The following CCDC180 variants were observed in gnomAD, a reference collection of about 807,000 sequenced individuals.
CCDC180 encodes the protein coiled-coil domain-containing protein 180.
In CCDC180, 154 loss-of-function variants were observed where a neutral mutation model predicts 209.2. That is an observed-to-expected ratio of 0.74 (90% CI 0.65 to 0.84). CCDC180 has a LOEUF of 0.84. Among genes scored for constraint, CCDC180 ranks in the 40% least tolerant of loss-of-function variants. The pLI, the probability that CCDC180 is intolerant of heterozygous loss-of-function variation, is 0.00. For missense variants in CCDC180, 1,874 were observed against 1,997.3 expected (o/e 0.94, Z 1.18); for synonymous variants, 778 against 749.1 (o/e 1.04, Z -0.63).
rs1216739402 is a variant in CCDC180 at position 97,329,694 on chromosome 9, C to A, written c.1789-460C>A. ...AAAAACTGGTTCCTAGGATTGAGAA[C>A]AACCCAATTACCCCAGGGAACTAAG... On this transcript the variant is annotated intron_variant, in intron 16 of 36. Coordinates refer to ENST00000529487, the MANE Select transcript of CCDC180 (RefSeq NM_020893.6). 9.2e-5 allele frequency among the ~76,000 whole-genome samples: 14 copies of A among 152,184 alleles called. 1 individual carries two copies. The highest frequency in any genetic ancestry group is 9.2e-4 in the Admixed American group (14 of 15,290).
At chr9:97,312,345 T>C in intron 4 of CCDC180, 144 bp downstream of exon 4, 1 of 651,562 alleles carries the variant, frequency 1.5e-6, no homozygotes, top group Non-Finnish European at 2.6e-6. Context: ...CGGAGGGCAT[T>C]CTCCCTGAGC....
intron 2 of CCDC180, 102 bp downstream of exon 2, chr9:97,308,234 C>G: frequency 1.9e-6 from 2 of 1,071,572 alleles, no homozygotes; most frequent in South Asian, 5.1e-5. Flanking sequence ...TTGAATAAAA[C>G]AAGGGCTTTG....
intron 34 of CCDC180, 175 bp from the exon 35 acceptor site, chr9:97,374,368 C>T: frequency 1.7e-6 from 1 of 592,466 alleles, no homozygotes; most frequent in Non-Finnish European, 3.0e-6. Flanking sequence ...CTGTCACCAC[C>T]CCGAGCTGTG....
Position 97,318,589 on chromosome 9 carries a change from G to A in CCDC180, c.1079+7G>A. Reference sequence around the variant, plus strand: ...AGCATCTCTGCACCATCTGGTATGGGCAGGAGGGGCGGCCCAGGAGGGGTG... The same window carrying A: ...AGCATCTCTGCACCATCTGGTATGGACAGGAGGGGCGGCCCAGGAGGGGTG... On this transcript the variant is annotated splice_region_variant and intron_variant, in intron 10 of 36. Transcript: ENST00000529487. The A allele has an allele frequency of 6.2e-7, 1 of 1,611,286 alleles. No homozygotes were observed. The highest frequency in any genetic ancestry group is 1.7e-5 in the Admixed American group (1 of 59,990).
intron 5 of CCDC180, 121 bp from the exon 6 acceptor site, chr9:97,314,272 C>A: frequency 8.3e-7 from 1 of 1,206,042 alleles, no homozygotes; most frequent in Non-Finnish European, 1.2e-6. Flanking sequence ...CTCGTTAGGT[C>A]TAGGCAATGA....
intron 21 of CCDC180, 114 bp downstream of exon 21, chr9:97,349,405 G>A: frequency 1.2e-6 from 1 of 856,502 alleles, no homozygotes; most frequent in Non-Finnish European, 1.8e-6. Flanking sequence ...GGCACCTCCA[G>A]AGCCTTCTTT....
At chr9:97,323,357 G>C (rs1833418121) in intron 12 of CCDC180, among the ~76,000 whole-genome samples, 1 of 152,032 alleles carries the variant, frequency 6.6e-6, no homozygotes, top group Non-Finnish European at 1.5e-5. Context: ...TTCATAGATA[G>C]GCCTGGCCCC....
Position 97,330,693 on chromosome 9 carries a change from G to A in CCDC180, c.2200G>A (p.Glu734Lys), listed in dbSNP as rs12353306. ...GGAAGATGAGAAGGAGGAAGAGGAG[G>A]AGGAGGAGAAGCTGGAGGAAGAGAA... ...EEEDEKEEEE[E>K]EEKLEEEKEE... The change falls in exon 18 of 37, where the codon GAG (glutamate) becomes AAG (lysine). Residue 734 changes from glutamate to lysine, a missense_variant. By Grantham distance (56) the Glu-to-Lys change is moderately conservative. Transcript: ENST00000529487. 3 of 1,609,854 alleles carry A rather than the reference G, an allele frequency of 1.9e-6. No homozygotes were observed. Among genetic ancestry groups the A allele is most frequent in the African/African-American group, 1.3e-5 (1 of 74,908 alleles).
In CCDC180 at chr9:97,347,394, A is replaced by G; in HGVS notation, c.2579A>G (p.Lys860Arg). The change falls in exon 20 of 37, where the codon AAA (lysine) becomes AGA (arginine). Residue 860 changes from lysine to arginine, a missense_variant. Lys to Arg is a conservative substitution (Grantham distance 26, BLOSUM62 2). Coordinates refer to ENST00000529487, the MANE Select transcript of CCDC180 (RefSeq NM_020893.6). ...AACACCCGGGTCACCGTGGCCACCA[A>G]AATCAATGAGCTGGATTCAGAACTG... The part of the protein sequence containing the change: ...SLNTRVTVAT[K>R]INELDSELEL... 6.5e-7 allele frequency: 1 copy of G among 1,536,116 alleles called. No homozygotes were observed. Among genetic ancestry groups the G allele is most frequent in the East Asian group, 2.4e-5 (1 of 40,914 alleles).
At chr9:97,332,762 G>C (rs1036733057) in intron 18 of CCDC180, among the ~76,000 whole-genome samples, 2 of 152,148 alleles carry the variant, frequency 1.3e-5, no homozygotes, top group Non-Finnish European at 2.9e-5. Context: ...ATCAGATCAA[G>C]GGGCTCTGGG....
chr9:97,375,389 G>T (rs1827223138), intron 35 of CCDC180, 65 bp from the exon 36 acceptor site: 8 of 1,602,088 alleles, frequency 5.0e-6, no homozygotes, highest in Admixed American at 1.7e-5. Flanking sequence ...TTCCAACAGG[G>T]TTGGTAGGTG....
chr9:97,333,853 C>T (rs994113086), intron 18 of CCDC180, among the ~76,000 whole-genome samples: 2 of 151,194 alleles, frequency 1.3e-5, no homozygotes, highest in African/African-American at 4.9e-5. Flanking sequence ...TGGAGTCTCA[C>T]TCTGTCACTC....
At chr9:97,365,776 A>T (rs767382490) in intron 30 of CCDC180, 37 bp downstream of exon 30, 1 of 1,589,058 alleles carries the variant, frequency 6.3e-7, no homozygotes, top group African/African-American at 1.3e-5. Flanking sequence ...CCTGCCCTGG[A>T]AACCACGCCT....
Position 97,312,165 on chromosome 9 carries a change from G to A in CCDC180, c.313G>A (p.Ala105Thr), listed in dbSNP as rs1167900897. The A allele has an allele frequency of 2.5e-6, 4 of 1,613,942 alleles. No homozygotes were observed. The highest frequency in any genetic ancestry group is 1.7e-5 in the Admixed American group (1 of 59,998). Residue 105 changes from alanine (A) to threonine (T), a missense_variant, in exon 4 of 37, where the codon GCT becomes ACT. Ala to Thr is a moderately conservative substitution (Grantham distance 58, BLOSUM62 0). Coordinates refer to ENST00000529487, the MANE Select transcript of CCDC180 (RefSeq NM_020893.6). ...EKARESENTI[A>T]AREVRGLMDT... Reference sequence around the variant, plus strand: ...AGCCCGAGAGAGTGAGAACACCATCGCTGCCCGAGAAGTGCGGGGTCTCAT... The same window carrying A: ...AGCCCGAGAGAGTGAGAACACCATCACTGCCCGAGAAGTGCGGGGTCTCAT...
In CCDC180 at chr9:97,343,155, A is replaced by G. The variant is rs370676743; in HGVS notation, c.2275-185A>G. On this transcript the variant is annotated intron_variant, in intron 18 of 36. Coordinates refer to ENST00000529487, the MANE Select transcript of CCDC180 (RefSeq NM_020893.6). ...GTTTTAAGAGAAATTAGAAACCCAG[A>G]TTTTTGTGTAGAACTTCCCAATTTT... Among the ~76,000 whole-genome samples, 11 of 152,300 alleles carry G rather than the reference A, an allele frequency of 7.2e-5. No individual in the cohort carries two copies. In the South Asian group the frequency reaches 1.2e-3, roughly 17 times the overall value.
intron 29 of CCDC180, 113 bp from the exon 30 acceptor site, chr9:97,365,560 C>T (rs1826894190): frequency 2.2e-6 from 2 of 895,986 alleles, no homozygotes; most frequent in Admixed American, 1.7e-5. Context: ...TGAGTAATTT[C>T]AAGGAGTGTC....
In CCDC180 at chr9:97,377,025, G is replaced by C; in HGVS notation, c.*131G>C. 1 of 1,046,556 alleles carries C rather than the reference G, an allele frequency of 9.6e-7. No homozygotes were observed. The highest frequency in any genetic ancestry group is 1.3e-6 in the Non-Finnish European group (1 of 748,966). The allele number at this position is 1,046,556 out of a possible 1,614,324, so 64.8% of individuals were successfully genotyped here. ...CCCCTGCTCTGTGCCGGGCACTGTA[G>C]CTTTACCAGCGAACAGGACACAGCA... On this transcript the variant is annotated 3_prime_UTR_variant, in exon 37 of 37. Transcript: ENST00000529487.
chr9:97,378,255 C>A lies in CCDC180; in HGVS notation c.*1361C>A, dbSNP rs1280506441. ...TAGAGACAGTCACTGTCCATAGCAT[C>A]TTTCCATGTATGTGAGTTATTTTTA... On this transcript the variant is annotated 3_prime_UTR_variant, in exon 37 of 37. Transcript: ENST00000529487. 6.6e-6 allele frequency: 1 copy of A among 152,208 alleles called. No individual in the cohort carries two copies. The highest frequency in any genetic ancestry group is 2.4e-5 in the African/African-American group (1 of 41,452). 9.4% of individuals were successfully genotyped at this position (152,208 alleles called of 1,614,324 possible).
In CCDC180 at chr9:97,328,054, G is replaced by A. The variant is rs1424769349; in HGVS notation, c.1696G>A (p.Val566Met). 1 of 1,613,940 alleles carries A rather than the reference G, an allele frequency of 6.2e-7. No individual in the cohort carries two copies. The highest frequency in any genetic ancestry group is 1.3e-5 in the African/African-American group (1 of 74,914). Residue 566 changes from valine to methionine, a missense_variant, in exon 16 of 37, where the codon GTG becomes ATG. Physicochemically the swap from Val to Met is conservative, Grantham distance 21. Coordinates refer to ENST00000529487, the MANE Select transcript of CCDC180 (RefSeq NM_020893.6). ...ECFHTLLTKE[V>M]MEYPAIMLKE... ...TTTTCACACCCTCCTGACAAAGGAA[G>A]TGATGGAGTACCCAGCGATCATGCT...
Sources: allele counts gnomAD v4.1 joint callset (sites outside exome capture counted in the v4.1 genomes callset), GRCh38; gene constraint gnomAD v4.1.1; transcripts MANE v1.5; gene names NCBI Gene and HGNC (gene_info 2026-07-23, HGNC 2026-07-21).